Variants in COPS6 observed in about 807,000 individuals in gnomAD.
COPS6 encodes the protein COP9 signalosome subunit 6.
Under a neutral mutation model 41.0 loss-of-function variants are expected in COPS6, and 9 were observed. That is an observed-to-expected ratio of 0.22 (90% CI 0.13 to 0.38). COPS6 has a LOEUF of 0.38. COPS6 is among the 10% of genes least tolerant of loss of function. The pLI is 1.00. For synonymous variants in COPS6, 179 were observed against 162.9 expected, an observed-to-expected ratio of 1.10 and a Z score of -0.75; for missense variants, 302 against 436.7, an observed-to-expected ratio of 0.69 and a Z score of 2.75.
At position 100,091,526 on chromosome 7, in the gene COPS6, T is replaced by C; in HGVS notation, c.843+6T>C. ...TCAAGACAGATTTTTATGATGTGAG[T>C]GTAAAACCCGGATGGGGAGGCGGGG... On this transcript the variant is annotated splice_donor_region_variant and intron_variant, in intron 9 of 9. Coordinates refer to ENST00000303904, the MANE Select transcript of COPS6 (RefSeq NM_006833.5). This position sits in a 1 kb window ranked among gnomAD's most constrained non-coding sequence, Gnocchi z 4.1. The C allele has an allele frequency of 1.9e-6, 3 of 1,613,836 alleles. No homozygotes were observed. Among genetic ancestry groups the C allele is most frequent in the Non-Finnish European group, 8.5e-7 (1 of 1,179,788 alleles).
At chr7:100,090,745 T>A in intron 5 of COPS6, 91 bp downstream of exon 5, 1 of 1,463,298 alleles carries the variant, frequency 6.8e-7, no homozygotes, top group Non-Finnish European at 9.6e-7. Flanking sequence ...AGATGCCACT[T>A]ACCAGCTGTG....
rs769052117 is a variant in COPS6 at position 100,091,459 on chromosome 7, A to G, written c.782A>G (p.Tyr261Cys). The G allele has an allele frequency of 3.7e-6, 6 of 1,614,162 alleles. No homozygotes were observed. Among genetic ancestry groups the G allele is most frequent in the Middle Eastern group, 1.6e-4 (1 of 6,062 alleles). The change falls in exon 9 of 10, where the codon TAT (tyrosine) becomes TGT (cysteine). Residue 261 changes from tyrosine (Y) to cysteine (C), a missense_variant. Transcript: ENST00000303904. This position sits in a 1 kb window ranked among gnomAD's most constrained non-coding sequence, Gnocchi z 4.1. ...PFNHEILREA[Y>C]ALCHCLPVLS... Reference sequence around the variant, plus strand: ...AATCATGAGATCCTGCGGGAGGCCTATGCTCTGTGTCACTGTCTCCCGGTG... The same window carrying G: ...AATCATGAGATCCTGCGGGAGGCCTGTGCTCTGTGTCACTGTCTCCCGGTG...
At position 100,089,299 on chromosome 7, in the gene COPS6, G is replaced by T; in HGVS notation, c.86G>T (p.Ser29Ile). ...GMEVDAAVVP[S>I]VMACGVTGSV... Reference sequence around the variant, plus strand: ...TTCCCTCCACCCTTAGTAGTCCCCAGCGTGATGGCCTGCGGAGTGACTGGG... The same window carrying T: ...TTCCCTCCACCCTTAGTAGTCCCCATCGTGATGGCCTGCGGAGTGACTGGG... The change falls in exon 2 of 10, where the codon AGC (serine) becomes ATC (isoleucine). Residue 29 changes from serine (S) to isoleucine (I), a missense_variant. Physicochemically the swap from Ser to Ile is moderately radical, Grantham distance 142. Coordinates refer to ENST00000303904, the MANE Select transcript of COPS6 (RefSeq NM_006833.5). 1.2e-6 allele frequency: 2 copies of T among 1,614,056 alleles called. No homozygotes were observed. The highest frequency in any genetic ancestry group is 1.7e-6 in the Non-Finnish European group (2 of 1,180,002).
intron 3 of COPS6, 39 bp downstream of exon 3, chr7:100,089,785 TAA>T (rs371859953): frequency 9.7e-6 from 14 of 1,440,698 alleles, no homozygotes; most frequent in South Asian, 2.6e-5. Flanking sequence ...GAGTGGGAGT[TAA>T]AAAAAAAATG....
rs1216562853 is a variant in COPS6, at chr7:100,091,873, T to C, written c.*84T>C. ...ACTACACTTCCTTGAGAGAAACCGC[T>C]GTCATTAATAAAAGGGGAGCAGCCC... is the stretch of plus-strand genomic sequence containing the variant. On this transcript the variant is annotated 3_prime_UTR_variant, in exon 10 of 10. Coordinates refer to ENST00000303904, the MANE Select transcript of COPS6 (RefSeq NM_006833.5). The surrounding 1 kb of genome is among the most constrained non-coding windows in gnomAD (Gnocchi z 4.1). 6.4e-7 allele frequency: 1 copy of C among 1,567,210 alleles called. No individual in the cohort carries two copies. Among genetic ancestry groups the C allele is most frequent in the African/African-American group, 1.4e-5 (1 of 73,788 alleles).
rs756440179 is a variant in COPS6 at position 100,089,294 on chromosome 7, C to A, written c.81C>A (p.Val27=). Residue 27 remains valine, a synonymous_variant, in exon 2 of 10, where the codon GTC becomes GTA. Coordinates refer to ENST00000303904, the MANE Select transcript of COPS6 (RefSeq NM_006833.5). ...SSGMEVDAAV[V]PSVMACGVTG... is the part of the protein sequence containing the mutation. ...CTCCTTTCCCTCCACCCTTAGTAGT[C>A]CCCAGCGTGATGGCCTGCGGAGTGA... 2.5e-6 allele frequency: 4 copies of A among 1,613,844 alleles called. No homozygotes were observed. In the East Asian group the frequency reaches 8.9e-5, roughly 36 times the overall value.
In COPS6 at chr7:100,089,284, C is replaced by T; in HGVS notation, c.77-6C>T. The T allele has an allele frequency of 6.2e-7, 1 of 1,613,726 alleles. No homozygotes were observed. Among genetic ancestry groups the T allele is most frequent in the Non-Finnish European group, 8.5e-7 (1 of 1,179,838 alleles). ...CTCACCCTCTCTCCTTTCCCTCCAC[C>T]CTTAGTAGTCCCCAGCGTGATGGCC... On this transcript the variant is annotated splice_polypyrimidine_tract_variant and splice_region_variant and intron_variant, in intron 1 of 9. Coordinates refer to ENST00000303904, the MANE Select transcript of COPS6 (RefSeq NM_006833.5).
chr7:100,089,276 C>T lies in COPS6; in HGVS notation c.77-14C>T. 3 of 1,610,966 alleles carry T rather than the reference C, an allele frequency of 1.9e-6. No individual in the cohort carries two copies. The highest frequency in any genetic ancestry group is 1.7e-6 in the Non-Finnish European group (2 of 1,178,558). On this transcript the variant is annotated splice_polypyrimidine_tract_variant and intron_variant, in intron 1 of 9. Coordinates refer to ENST00000303904, the MANE Select transcript of COPS6 (RefSeq NM_006833.5). ...CCCGGACTCTCACCCTCTCTCCTTT[C>T]CCTCCACCCTTAGTAGTCCCCAGCG...
Position 100,089,010 on chromosome 7 carries a change from C to T in COPS6, c.20C>T (p.Ala7Val), listed in dbSNP as rs1400707667. The T allele has an allele frequency of 5.3e-6, 7 of 1,312,288 alleles. No individual in the cohort carries two copies. The highest frequency in any genetic ancestry group is 5.1e-5 in the South Asian group (2 of 38,962). The allele number at this position is 1,312,288 out of a possible 1,614,324, so 81.3% of individuals were successfully genotyped here. Residue 7 changes from alanine (A) to valine (V), a missense_variant, in exon 1 of 10, where the codon GCG (alanine) becomes GTG (valine). Physicochemically the swap from Ala to Val is moderately conservative, Grantham distance 64 (BLOSUM62 0). Transcript: ENST00000303904. Reference protein sequence around the residue: MAAAAAAAAATNGTGGS... With the variant: MAAAAAVAAATNGTGGS... ...GGGAAAATGGCGGCGGCGGCGGCGG[C>T]GGCTGCAGCTACGAACGGGACCGGA... is the stretch of plus-strand genomic sequence containing the variant.
chr7:100,092,130 A>ACCCTCTACATCATCTT lies in COPS6; in HGVS notation c.*342_*357dup, dbSNP rs1376800610. On this transcript the variant is annotated 3_prime_UTR_variant, in exon 10 of 10. Coordinates refer to ENST00000303904, the MANE Select transcript of COPS6 (RefSeq NM_006833.5). ...GGTCTCTGTTCTACACTTTAATGTCACCCTCTACATCATCTTACCTAGCCC... is the reference window on the plus strand; with the variant it reads ...GGTCTCTGTTCTACACTTTAATGTCACCCTCTACATCATCTTCCCTCTACATCATCTTACCTAGCCC... 2 of 273,768 alleles carry ACCCTCTACATCATCTT rather than the reference A, an allele frequency of 7.3e-6. No homozygotes were observed. Among genetic ancestry groups the ACCCTCTACATCATCTT allele is most frequent in the African/African-American group, 2.2e-5 (1 of 45,692 alleles). The allele number at this position is 273,768 out of a possible 1,614,324, so 17.0% of individuals were successfully genotyped here.
intron 1 of COPS6, 107 bp downstream of exon 1, chr7:100,089,173 C>T: frequency 6.6e-7 from 1 of 1,515,466 alleles, no homozygotes. Context: ...AACATCTTTC[C>T]CTGGGATAAG....
rs778456150 is a variant in COPS6, at chr7:100,091,709, A to G, written c.904A>G (p.Met302Val). ...CACCATCACCAAAACGTGCAACACC[A>G]TGAACCAGTTTGTGAACAAGTTCAA... is the stretch of plus-strand genomic sequence containing the variant. The part of the protein sequence containing the change: ...LGTITKTCNT[M>V]NQFVNKFNVL... Residue 302 changes from methionine to valine, a missense_variant, in exon 10 of 10, where the codon ATG becomes GTG. Met to Val is a conservative substitution (Grantham distance 21, BLOSUM62 1). Transcript: ENST00000303904. This position sits in a 1 kb window ranked among gnomAD's most constrained non-coding sequence, Gnocchi z 4.1. 15 of 1,614,226 alleles carry G rather than the reference A, an allele frequency of 9.3e-6. No individual in the cohort carries two copies. Among genetic ancestry groups the G allele is most frequent in the Non-Finnish European group, 1.3e-5 (15 of 1,180,046 alleles).
rs1429448207 is a variant in COPS6 at position 100,092,177 on chromosome 7, AATT to A, written c.*389_*391del. 7 of 186,184 alleles carry A rather than the reference AATT, an allele frequency of 3.8e-5. No individual in the cohort carries two copies. In the East Asian group the frequency reaches 1.0e-3, roughly 27 times the overall value. 11.5% of individuals were successfully genotyped at this position (186,184 alleles called of 1,614,324 possible). On this transcript the variant is annotated 3_prime_UTR_variant, in exon 10 of 10. Transcript: ENST00000303904. ...GCCCACCCAACCTTATAAACATGATAATTGACTACTTTCCTGAGCTAAATTAAC... is the reference window on the plus strand; with the variant it reads ...GCCCACCCAACCTTATAAACATGATAGACTACTTTCCTGAGCTAAATTAAC...
intron 5 of COPS6, 47 bp from the exon 6 acceptor site, chr7:100,090,855 C>G: frequency 6.2e-7 from 1 of 1,605,008 alleles, no homozygotes; most frequent in Non-Finnish European, 8.5e-7. Context: ...AAGCAGCTAG[C>G]CCAAATGTTG....
At position 100,091,571 on chromosome 7, in the gene COPS6, G is replaced by T. The variant is rs372933685; in HGVS notation, c.843+51G>T. ...GCGGGGCTTATGCTGTCACTTTCAC[G>T]TGCAGGACTGGGGACTGTTGTTCCC... On this transcript the variant is annotated intron_variant, in intron 9 of 9. Transcript: ENST00000303904. The surrounding 1 kb of genome is among the most constrained non-coding windows in gnomAD (Gnocchi z 4.1). 16 of 1,613,678 alleles carry T rather than the reference G, an allele frequency of 9.9e-6. No homozygotes were observed. Among genetic ancestry groups the T allele is most frequent in the South Asian group, 9.9e-5 (9 of 91,064 alleles).
chr7:100,091,722 TG>T lies in COPS6; in HGVS notation c.918del (p.Asn307ThrfsTer26). On this transcript the variant is annotated frameshift_variant, in exon 10 of 10. Transcript: ENST00000303904. LOFTEE classifies it high-confidence loss of function. This position sits in a 1 kb window ranked among gnomAD's most constrained non-coding sequence, Gnocchi z 4.1. Reference protein sequence around the residue: ...TKTCNTMNQFVNKFNVLYDRQ... With the variant: ...TKTCNTMNQFXNKFNVLYDRQ... Reference sequence around the variant, plus strand: ...ACGTGCAACACCATGAACCAGTTTGTGAACAAGTTCAATGTCCTCTACGACC... The same window carrying T: ...ACGTGCAACACCATGAACCAGTTTGTAACAAGTTCAATGTCCTCTACGACC... The T allele has an allele frequency of 6.2e-7, 1 of 1,614,202 alleles. No individual in the cohort carries two copies. The highest frequency in any genetic ancestry group is 8.5e-7 in the Non-Finnish European group (1 of 1,180,040).
rs1383976348 is a variant in COPS6 at position 100,089,738 on chromosome 7, A to AGG, written c.327_328dup (p.Glu110GlyfsTer44). 6.2e-7 allele frequency: 1 copy of AGG among 1,613,712 alleles called. No homozygotes were observed. The highest frequency in any genetic ancestry group is 8.5e-7 in the Non-Finnish European group (1 of 1,179,916). Reference sequence around the variant, plus strand: ...GACAAGGAATATTATTACACCAAGGAGGAGCAGTGTGAGAGTGGAATAGAT... The same window carrying AGG: ...GACAAGGAATATTATTACACCAAGGAGGGGAGCAGTGTGAGAGTGGAATAGAT... On this transcript the variant is annotated frameshift_variant, in exon 3 of 10. Coordinates refer to ENST00000303904, the MANE Select transcript of COPS6 (RefSeq NM_006833.5). LOFTEE classifies it high-confidence loss of function.
chr7:100,090,976 A>C, intron 6 of COPS6, 27 bp downstream of exon 6: 1 of 1,613,994 alleles, frequency 6.2e-7, no homozygotes. Context: ...CAACCCTCAG[A>C]TCCTGCTCTT....
At chr7:100,089,464 C>T (rs750136119) in intron 2 of COPS6, 49 bp downstream of exon 2, 1 of 1,611,814 alleles carries the variant, frequency 6.2e-7, no homozygotes, top group Admixed American at 1.7e-5. Flanking sequence ...TCACCTCCCC[C>T]AGGCAGTGGT....
Sources: gnomAD v4.1 joint callset for allele counts on GRCh38, gnomAD v4.1.1 for gene constraint, Gnocchi (gnomAD v3.1) non-coding constraint, MANE v1.5 for transcripts, NCBI Gene and HGNC (gene_info 2026-07-23, HGNC 2026-07-21) for gene names.